The following ANKIB1 variants were observed in gnomAD, a reference collection of about 807,000 sequenced individuals.
The protein encoded by ANKIB1 is ankyrin repeat and IBR domain containing 1.
A neutral mutation model predicts 122.1 loss-of-function variants in ANKIB1; 43 were observed. The observed-to-expected ratio is 0.35, with a 90% CI of 0.28 to 0.45. The LOEUF is 0.45. Among genes scored for constraint, ANKIB1 ranks in the 20% least tolerant of loss-of-function variants. The pLI is 1.00. For missense variants in ANKIB1, 992 were observed against 1,329.5 expected (o/e 0.75, Z 3.95); for synonymous variants, 390 against 442.0 (o/e 0.88, Z 1.48).
At chr7:92,257,210 A>G (rs925728753) in intron 1 of ANKIB1, among the ~76,000 whole-genome samples, 2 of 151,942 alleles carry the variant, frequency 1.3e-5, no homozygotes, top group Non-Finnish European at 2.9e-5. Context: ...AAAAGAGAGA[A>G]AAAAAGAAAA....
chr7:92,329,955 G>T (rs1803133525), intron 5 of ANKIB1, among the ~76,000 whole-genome samples: 1 of 152,162 alleles, frequency 6.6e-6, no homozygotes. Context: ...GGAAACCTGA[G>T]CATGTCATTC....
intron 1 of ANKIB1, among the ~76,000 whole-genome samples, chr7:92,249,994 A>C (rs1801292120): frequency 1.3e-5 from 2 of 152,154 alleles, no homozygotes; most frequent in Admixed American, 1.3e-4. Context: ...ACAGTCCTTA[A>C]AGGGGAGAAG....
intron 1 of ANKIB1, among the ~76,000 whole-genome samples, chr7:92,265,107 A>G (rs1453024517): frequency 6.6e-6 from 1 of 152,152 alleles, no homozygotes; most frequent in Admixed American, 6.5e-5. Context: ...CTACCCAAGT[A>G]GCTAGGACTA....
intron 11 of ANKIB1, among the ~76,000 whole-genome samples, chr7:92,372,009 G>A (rs922577485): frequency 9.1e-6 from 1 of 109,628 alleles, no homozygotes; most frequent in East Asian, 2.4e-4. Context: ...GTGTGTGTGT[G>A]TGTATCAAAT....
chr7:92,295,363 T>C (rs1313981981), intron 2 of ANKIB1, among the ~76,000 whole-genome samples, 197 bp downstream of exon 2: 1 of 152,196 alleles, frequency 6.6e-6, no homozygotes, highest in Non-Finnish European at 1.5e-5. Flanking sequence ...ATATTTGATA[T>C]CATTTTCTTT....
Position 92,396,391 on chromosome 7 carries a change from G to C in ANKIB1, c.2310G>C (p.Arg770Ser). ...AATATGCTGAATTTCAGTATCGGAG[G>C]AGGCACAGACAACGTCGTCGAGGAG... is the stretch of plus-strand genomic sequence containing the variant. ...PEEYAEFQYR[R>S]RHRQRRRGDV... The change falls in exon 18 of 20, where the codon AGG becomes AGC. Residue 770 changes from arginine to serine, a missense_variant. By Grantham distance (110) the Arg-to-Ser change is moderately radical. This residue lies in a region of ANKIB1 where 384 missense variants were observed against 412.0 expected (regional missense o/e 0.93). Coordinates refer to ENST00000265742, the MANE Select transcript of ANKIB1 (RefSeq NM_019004.2). 7 of 1,592,678 alleles carry C rather than the reference G, an allele frequency of 4.4e-6. No individual in the cohort carries two copies. The highest frequency in any genetic ancestry group is 6.0e-6 in the Non-Finnish European group (7 of 1,167,628).
At chr7:92,359,571 C>A (rs896115935) in intron 9 of ANKIB1, among the ~76,000 whole-genome samples, 1 of 152,062 alleles carries the variant, frequency 6.6e-6, no homozygotes, top group African/African-American at 2.4e-5. Flanking sequence ...ATTTATAATC[C>A]TTTGGGTATA....
chr7:92,386,372 G>A, intron 11 of ANKIB1, 137 bp from the exon 12 acceptor site: 2 of 895,058 alleles, frequency 2.2e-6, no homozygotes, highest in Non-Finnish European at 3.2e-6. Flanking sequence ...ATGAGAAATA[G>A]GGCATGTCTT....
chr7:92,345,637 C>G (rs183080510), intron 7 of ANKIB1, among the ~76,000 whole-genome samples: 1 of 152,196 alleles, frequency 6.6e-6, no homozygotes, highest in Non-Finnish European at 1.5e-5. Flanking sequence ...TAACTTTGCT[C>G]TCATGTTGCA....
chr7:92,391,209 A>G lies in ANKIB1; in HGVS notation c.2096A>G (p.Asn699Ser), dbSNP rs905717116. 1.2e-6 allele frequency: 2 copies of G among 1,613,140 alleles called. No individual in the cohort carries two copies. The highest frequency in any genetic ancestry group is 1.7e-6 in the Non-Finnish European group (2 of 1,179,444). The change falls in exon 16 of 20, where the codon AAT becomes AGT. Residue 699 changes from asparagine to serine, a missense_variant. By Grantham distance (46) the Asn-to-Ser change is conservative. This residue lies in a region of ANKIB1 where 521 missense variants were observed against 777.7 expected (regional missense o/e 0.67). Coordinates refer to ENST00000265742, the MANE Select transcript of ANKIB1 (RefSeq NM_019004.2). Reference protein sequence around the residue: ...MVTEDLAQKVNRPYLRTPRHK... With the variant: ...MVTEDLAQKVSRPYLRTPRHK... The stretch of plus-strand genomic sequence containing the variant: ...ACTGAAGACCTTGCCCAGAAAGTCA[A>G]TAGGCCTTACCTTCGCACACCCCGC...
intron 7 of ANKIB1, among the ~76,000 whole-genome samples, chr7:92,349,913 G>C (rs1332408541): frequency 1.3e-5 from 2 of 151,342 alleles, no homozygotes; most frequent in African/African-American, 2.4e-5. Context: ...GTACATGCGT[G>C]TAATCCCAGC....
intron 14 of ANKIB1, among the ~76,000 whole-genome samples, chr7:92,388,322 C>T (rs1394735111): frequency 6.6e-6 from 1 of 152,156 alleles, no homozygotes; most frequent in East Asian, 1.9e-4. Context: ...TGATGCTCTA[C>T]AATGTTGGGA....
chr7:92,271,650 A>T (rs879734718), intron 1 of ANKIB1, among the ~76,000 whole-genome samples: 10 of 152,228 alleles, frequency 6.6e-5, no homozygotes, highest in Non-Finnish European at 1.5e-4. Context: ...ATAGGATATT[A>T]TAGGAAAAGG....
chr7:92,376,456 T>A (rs899060252), intron 11 of ANKIB1, among the ~76,000 whole-genome samples: 8 of 150,982 alleles, frequency 5.3e-5, no homozygotes, highest in Non-Finnish European at 1.2e-4. Context: ...TTTTTTATTT[T>A]TTTTTTTTTT....
intron 1 of ANKIB1, among the ~76,000 whole-genome samples, chr7:92,280,459 C>CT (rs1801993314): frequency 6.6e-6 from 1 of 151,090 alleles, no homozygotes; most frequent in Admixed American, 6.6e-5. Context: ...CACCCCCCCC[C>CT]CCTTTTTTTC....
chr7:92,305,880 T>G (rs915026678), intron 2 of ANKIB1, among the ~76,000 whole-genome samples: 2 of 152,184 alleles, frequency 1.3e-5, no homozygotes, highest in East Asian at 3.8e-4. Flanking sequence ...CCGTGAGATA[T>G]GTATTTACAT....
intron 7 of ANKIB1, among the ~76,000 whole-genome samples, chr7:92,350,408 A>G (rs982164173): frequency 5.9e-5 from 9 of 152,218 alleles, no homozygotes; most frequent in African/African-American, 2.2e-4. Context: ...AGCAAAATAG[A>G]AACATAAAAT....
chr7:92,339,855 T>C (rs536210473), intron 5 of ANKIB1, among the ~76,000 whole-genome samples: 1 of 152,172 alleles, frequency 6.6e-6, no homozygotes, highest in Non-Finnish European at 1.5e-5. Context: ...TTTCTATCAA[T>C]AGTTTCTAAC....
At chr7:92,332,526 A>G (rs938482630) in intron 5 of ANKIB1, among the ~76,000 whole-genome samples, 6 of 152,234 alleles carry the variant, frequency 3.9e-5, no homozygotes, top group Non-Finnish European at 7.3e-5. Context: ...TGTTAGGAAT[A>G]CAAAGGTCAT....
Sources: allele counts gnomAD v4.1 joint callset (sites outside exome capture counted in the v4.1 genomes callset), GRCh38; gene constraint gnomAD v4.1.1; regional missense constraint gnomAD v4.1.1; transcripts MANE v1.5; gene names NCBI Gene and HGNC (gene_info 2026-07-23, HGNC 2026-07-21).